ITGBL1: variants seen among roughly 807,000 people sequenced by gnomAD.
The protein encoded by ITGBL1 is integrin beta-like protein 1.
A neutral mutation model predicts 68.5 loss-of-function variants in ITGBL1; 51 were observed. The observed-to-expected ratio is 0.74, with a 90% CI of 0.59 to 0.94. The LOEUF (loss-of-function observed/expected upper bound fraction) is 0.94, where lower values mean the gene tolerates loss of function less well. Ranked by LOEUF, ITGBL1 falls within the 40% of genes least tolerant of loss-of-function variation. The pLI, the probability that ITGBL1 is intolerant of heterozygous loss-of-function variation, is 0.00. For synonymous variants in ITGBL1, 209 were observed against 227.3 expected (o/e 0.92, Z 0.72); for missense variants, 649 against 647.4 (o/e 1.00, Z -0.03).
At chr13:101,713,572 C>T (rs542904705) in intron 9 of ITGBL1, 1 of 152,208 alleles carries the variant, frequency 6.6e-6, no homozygotes, top group East Asian at 1.9e-4. Context: ...TTCCTGCTGT[C>T]GTTGAGGCAG....
intron 6 of ITGBL1, among the ~76,000 whole-genome samples, chr13:101,595,116 G>A (rs921337327): frequency 2.0e-5 from 3 of 151,932 alleles, no homozygotes; most frequent in Non-Finnish European, 4.4e-5. Context: ...CCAAAAACAG[G>A]TCTATTTTGA....
chr13:101,718,565 A>AATC (rs55804369), downstream of ITGBL1: 10 of 151,564 alleles, frequency 6.6e-5, no homozygotes, highest in Non-Finnish European at 1.0e-4. Context: ...TTGTTTGGCA[A>AATC]ATCATCATCA....
chr13:101,467,809 G>A (rs1446904178), intron 2 of ITGBL1, among the ~76,000 whole-genome samples: 1 of 152,094 alleles, frequency 6.6e-6, no homozygotes, highest in Non-Finnish European at 1.5e-5. Context: ...TATTTAAAGT[G>A]AATACCTACC....
chr13:101,580,255 T>C (rs1379349728), intron 5 of ITGBL1, among the ~76,000 whole-genome samples: 3 of 152,126 alleles, frequency 2.0e-5, no homozygotes, highest in African/African-American at 4.8e-5. Flanking sequence ...CAATAGGTAA[T>C]GCTAATACAG....
intron 2 of ITGBL1, among the ~76,000 whole-genome samples, chr13:101,551,741 A>G (rs2139213560): frequency 6.6e-6 from 1 of 152,338 alleles, no homozygotes; most frequent in East Asian, 1.9e-4. Flanking sequence ...ACATATGCTT[A>G]TGTTATTTTA....
chr13:101,600,607 A>G (rs996342672), intron 7 of ITGBL1, among the ~76,000 whole-genome samples: 6 of 152,094 alleles, frequency 3.9e-5, no homozygotes, highest in Admixed American at 2.0e-4. Flanking sequence ...TTTGAGATAC[A>G]TCCCATCAAT....
At chr13:101,490,954 A>G (rs2048767192) in intron 2 of ITGBL1, among the ~76,000 whole-genome samples, 1 of 152,158 alleles carries the variant, frequency 6.6e-6, no homozygotes, top group Non-Finnish European at 1.5e-5. Context: ...ACATCTTCAG[A>G]CTGGTCTCAT....
chr13:101,547,094 A>C (rs1046112065), intron 2 of ITGBL1, among the ~76,000 whole-genome samples: 5 of 152,002 alleles, frequency 3.3e-5, no homozygotes, highest in Non-Finnish European at 7.4e-5. Context: ...AGATTACAAA[A>C]ATAATGAAAA....
At chr13:101,621,353 GTTTA>G (rs969761809) in intron 7 of ITGBL1, among the ~76,000 whole-genome samples, 16 of 152,038 alleles carry the variant, frequency 1.1e-4, no homozygotes, top group East Asian at 9.6e-4. Flanking sequence ...TTCTATTTCT[GTTTA>G]TTTGTCATAC....
chr13:101,606,454 G>A (rs1009706044), intron 7 of ITGBL1, among the ~76,000 whole-genome samples: 2 of 151,672 alleles, frequency 1.3e-5, no homozygotes, highest in Non-Finnish European at 2.9e-5. Context: ...TGGGAGTAAA[G>A]GTGGGAAAAC....
chr13:101,629,218 C>T (rs568141232), intron 7 of ITGBL1, among the ~76,000 whole-genome samples: 5 of 152,146 alleles, frequency 3.3e-5, no homozygotes, highest in African/African-American at 1.2e-4. Flanking sequence ...GGGCAGCATA[C>T]ACTTTGATTT....
chr13:101,637,142 G>A (rs1442638602), intron 7 of ITGBL1, among the ~76,000 whole-genome samples: 3 of 152,042 alleles, frequency 2.0e-5, no homozygotes, highest in Non-Finnish European at 2.9e-5. Flanking sequence ...GTTTGCTAAT[G>A]TTCCATATGT....
At chr13:101,575,328 G>T in intron 3 of ITGBL1, 96 bp from the exon 4 acceptor site, 1 of 1,151,352 alleles carries the variant, frequency 8.7e-7, no homozygotes, top group Non-Finnish European at 1.3e-6. Context: ...AAATTGATTT[G>T]GATTATCTAC....
intron 7 of ITGBL1, among the ~76,000 whole-genome samples, chr13:101,685,277 C>A (rs1357164554): frequency 6.6e-6 from 1 of 151,918 alleles, no homozygotes; most frequent in Non-Finnish European, 1.5e-5. Flanking sequence ...TGTATAAGTT[C>A]ATTTATTTTA....
intron 1 of ITGBL1, among the ~76,000 whole-genome samples, chr13:101,453,212 T>A (rs915081749): frequency 1.3e-5 from 2 of 152,250 alleles, no homozygotes; most frequent in African/African-American, 2.4e-5. Flanking sequence ...GTTAAAATGC[T>A]ATGTGTACCA....
chr13:101,660,977 T>G (rs906479218), intron 7 of ITGBL1, among the ~76,000 whole-genome samples: 105 of 152,342 alleles, frequency 6.9e-4, no homozygotes, highest in Non-Finnish European at 1.0e-4. Flanking sequence ...CCAGATGCTC[T>G]ATAGTCTTTT....
chr13:101,469,607 C>T (rs968656014), intron 2 of ITGBL1, among the ~76,000 whole-genome samples: 1 of 152,068 alleles, frequency 6.6e-6, no homozygotes, highest in Non-Finnish European at 1.5e-5. Context: ...TGCTTGAAAC[C>T]GGGAGGTGGA....
chr13:101,673,815 A>G (rs1314292897), intron 7 of ITGBL1, among the ~76,000 whole-genome samples: 1 of 152,164 alleles, frequency 6.6e-6, no homozygotes, highest in Non-Finnish European at 1.5e-5. Context: ...CTTAACAACG[A>G]ACACTCCCCA....
chr13:101,484,519 A>C (rs146276067), intron 2 of ITGBL1, among the ~76,000 whole-genome samples: 2 of 152,294 alleles, frequency 1.3e-5, no homozygotes, highest in African/African-American at 4.8e-5. Flanking sequence ...CAGCAGATTC[A>C]CATCACAGAA....
Sources: gnomAD v4.1 joint callset for allele counts (sites outside exome capture counted in the v4.1 genomes callset) on GRCh38, gnomAD v4.1.1 for gene constraint, MANE v1.5 for transcripts, NCBI Gene and HGNC (gene_info 2026-07-23, HGNC 2026-07-21) for gene names.